The following DLC1 variants were observed in gnomAD, a reference collection of about 807,000 sequenced individuals.
DLC1 encodes DLC1 Rho GTPase activating protein, also known as rho GTPase-activating protein 7.
In DLC1, 54 loss-of-function variants were observed where a neutral mutation model predicts 140.3. That is an observed-to-expected ratio of 0.38 (90% CI 0.31 to 0.48). DLC1 has a LOEUF of 0.48. DLC1 is among the 20% of genes least tolerant of loss of function. The probability of loss-of-function intolerance (pLI) is 0.96; values close to 1 mark genes in which losing one functional copy is unlikely to be tolerated. For synonymous variants in DLC1, 986 were observed against 728.1 expected, an observed-to-expected ratio of 1.35 and a Z score of -5.70; for missense variants, 2,536 against 1,907.0, an observed-to-expected ratio of 1.33 and a Z score of -6.14.
intron 4 of DLC1, among the ~76,000 whole-genome samples, chr8:13,369,446 C>T (rs1350816976): frequency 2.7e-5 from 4 of 149,476 alleles, no homozygotes; most frequent in African/African-American, 4.9e-5. Flanking sequence ...GGGCAATTTT[C>T]GGTTCTCATC....
chr8:13,384,459 T>C (rs1836422435), intron 4 of DLC1, among the ~76,000 whole-genome samples: 1 of 152,220 alleles, frequency 6.6e-6, no homozygotes, highest in African/African-American at 2.4e-5. Flanking sequence ...CTTTGATATA[T>C]CCACGAAATG....
chr8:13,256,224 T>C (rs183070667), intron 5 of DLC1, among the ~76,000 whole-genome samples: 80 of 152,346 alleles, frequency 5.3e-4, no homozygotes, highest in African/African-American at 1.8e-3. Flanking sequence ...GTACAGTAGT[T>C]GTTACTACGT....
intron 1 of DLC1, among the ~76,000 whole-genome samples, chr8:13,513,808 T>C (rs1173059957): frequency 6.6e-6 from 1 of 152,186 alleles, no homozygotes; most frequent in Non-Finnish European, 1.5e-5. Flanking sequence ...CACAAACAGT[T>C]TCCATATGAC....
Position 13,094,956 on chromosome 8 carries a change from A to C in DLC1, c.3329T>G (p.Val1110Gly). The C allele has an allele frequency of 6.2e-7, 1 of 1,614,054 alleles. No homozygotes were observed. The highest frequency in any genetic ancestry group is 2.2e-5 in the East Asian group (1 of 44,896). ...RYLRNHCLDQ[V>G]GLFRKSGVKS... Reference sequence around the variant, plus strand: ...GACCCCCGATTTTCTGAAGAGCCCAACCTGTCGGAAGAGCAACACTAAGTG... The same window carrying C: ...GACCCCCGATTTTCTGAAGAGCCCACCCTGTCGGAAGAGCAACACTAAGTG... The change falls in exon 12 of 18, where the codon GTT becomes GGT. Residue 1110 changes from valine to glycine, a missense_variant and splice_region_variant. Physicochemically the swap from Val to Gly is moderately radical, Grantham distance 109. Transcript: ENST00000276297.
At chr8:13,170,488 TGC>T (rs1585830577) in intron 5 of DLC1, among the ~76,000 whole-genome samples, 1 of 152,138 alleles carries the variant, frequency 6.6e-6, no homozygotes, top group Admixed American at 6.5e-5. Context: ...CCCAGCACTT[TGC>T]GGGGCCAAGG....
At position 13,401,696 on chromosome 8, in the gene DLC1, T is replaced by A; in HGVS notation, c.1024-77A>T. 4 of 1,537,336 alleles carry A rather than the reference T, an allele frequency of 2.6e-6. No homozygotes were observed. The East Asian group carries it at 9.0e-5, about 35-fold the overall frequency. On this transcript the variant is annotated intron_variant, in intron 2 of 17. Coordinates refer to ENST00000276297, the MANE Select transcript of DLC1 (RefSeq NM_182643.3). ...GAATAAAAAGTTCCCTGTTCTTCAA[T>A]GTGACAAAAAGTACACTGGATAATA...
chr8:13,318,467 T>G (rs13275477), intron 4 of DLC1, among the ~76,000 whole-genome samples: 45,120 of 152,120 alleles, frequency 0.3, 7,043 homozygotes, highest in Middle Eastern at 0.34. Flanking sequence ...CCATGTCAAG[T>G]TTTGAACCTA....
chr8:13,472,270 C>T (rs1472285023), intron 2 of DLC1, among the ~76,000 whole-genome samples: 1 of 151,962 alleles, frequency 6.6e-6, no homozygotes, highest in Non-Finnish European at 1.5e-5. Flanking sequence ...GTTCTCAGTA[C>T]AGATTTAAAT....
At chr8:13,524,140 T>TATC (rs1257484720) in intron 1 of DLC1, among the ~76,000 whole-genome samples, 1 of 147,676 alleles carries the variant, frequency 6.8e-6, no homozygotes, top group Non-Finnish European at 1.5e-5. Flanking sequence ...TTATTATTAT[T>TATC]ATTATTATTA....
Position 13,264,179 on chromosome 8 carries a change from C to T in DLC1, c.1348+41090G>A, listed in dbSNP as rs559124857. Among the ~76,000 whole-genome samples, 716 of 152,122 alleles carry T rather than the reference C, an allele frequency of 4.7e-3. 2 individuals carry two copies. The highest frequency in any genetic ancestry group is 0.016 in the African/African-American group (670 of 41,502). ...TCCCTCCCGGGTTCAAGCGATTCTGCTACCTCAGCCTCCCGAGTAGATGGG... is the reference window on the plus strand; with the variant it reads ...TCCCTCCCGGGTTCAAGCGATTCTGTTACCTCAGCCTCCCGAGTAGATGGG... On this transcript the variant is annotated intron_variant, in intron 5 of 17. Transcript: ENST00000276297.
chr8:13,528,430 T>C (rs916751491), intron 1 of DLC1, among the ~76,000 whole-genome samples: 1 of 152,188 alleles, frequency 6.6e-6, no homozygotes, highest in Non-Finnish European at 1.5e-5. Context: ...AGCAAAAACG[T>C]TGCCAAAATT....
intron 1 of DLC1, chr8:13,584,087 C>T (rs143923518): frequency 6.5e-6 from 1 of 152,688 alleles, no homozygotes; most frequent in Non-Finnish European, 1.5e-5. Context: ...AAGCAGGTGT[C>T]TTGCTTCAGC....
At chr8:13,256,569 TG>T (rs2117308366) in intron 5 of DLC1, among the ~76,000 whole-genome samples, 1 of 152,272 alleles carries the variant, frequency 6.6e-6, no homozygotes, top group South Asian at 2.1e-4. Context: ...TCATGTCCTT[TG>T]CAGGGACATG....
rs186025902 is a variant in DLC1, at chr8:13,493,765, C to G, written c.1023+5284G>C. Among the ~76,000 whole-genome samples, 6 of 152,224 alleles carry G rather than the reference C, an allele frequency of 3.9e-5. No individual in the cohort carries two copies. The East Asian group carries it at 1.2e-3, about 29-fold the overall frequency. ...AGTCAGCCTCCTACTTTGGTTCATT[C>G]CATTTTCTGCACAATTTACTATCTT... On this transcript the variant is annotated intron_variant, in intron 2 of 17. Transcript: ENST00000276297.
chr8:13,313,463 A>G (rs1033814770), intron 4 of DLC1, among the ~76,000 whole-genome samples: 3 of 152,006 alleles, frequency 2.0e-5, no homozygotes, highest in Non-Finnish European at 4.4e-5. Flanking sequence ...CTTTTCTAGA[A>G]CTCTCTGAGC....
At chr8:13,564,432 G>A (rs996828494) in intron 1 of DLC1, among the ~76,000 whole-genome samples, 1 of 152,140 alleles carries the variant, frequency 6.6e-6, no homozygotes, top group African/African-American at 2.4e-5. Flanking sequence ...ACAGAACCAA[G>A]CACAGCGTTA....
chr8:13,238,617 C>T (rs556462563), intron 5 of DLC1, among the ~76,000 whole-genome samples: 3 of 152,244 alleles, frequency 2.0e-5, no homozygotes, highest in African/African-American at 4.8e-5. Context: ...TAGAAAAAGG[C>T]CTCCCTTCCT....
intron 2 of DLC1, among the ~76,000 whole-genome samples, chr8:13,449,492 C>T (rs1200479596): frequency 6.6e-6 from 1 of 152,136 alleles, no homozygotes; most frequent in Non-Finnish European, 1.5e-5. Context: ...CATTGGCAAA[C>T]ACAAGACAGG....
At chr8:13,577,344 T>C (rs1000716825) in intron 1 of DLC1, among the ~76,000 whole-genome samples, 1 of 152,228 alleles carries the variant, frequency 6.6e-6, no homozygotes, top group African/African-American at 2.4e-5. Flanking sequence ...TATTATGCGA[T>C]GGGTCAGTGT....
Sources: allele counts gnomAD v4.1 joint callset (sites outside exome capture counted in the v4.1 genomes callset), GRCh38; gene constraint gnomAD v4.1.1; transcripts MANE v1.5; gene names NCBI Gene and HGNC (gene_info 2026-07-23, HGNC 2026-07-21).